FAT3: variants seen among roughly 807,000 people sequenced by gnomAD.
The protein encoded by FAT3 is FAT atypical cadherin 3.
FAT3 carries 95 observed loss-of-function variants against 310.2 expected under a neutral mutation model. The observed-to-expected ratio is 0.31, with a 90% confidence interval of 0.26 to 0.36. The LOEUF is 0.36. Among genes scored for constraint, FAT3 ranks in the 10% least tolerant of loss-of-function variants. The probability of loss-of-function intolerance (pLI) is 1.00; values close to 1 mark genes in which losing one functional copy is unlikely to be tolerated. For missense variants in FAT3, 5,408 were observed against 5,715.6 expected (o/e 0.95, Z 1.74); for synonymous variants, 2,314 against 2,192.9 (o/e 1.06, Z -1.54).
chr11:92,801,898 A>T lies in FAT3; in HGVS notation c.8885A>T (p.Tyr2962Phe), dbSNP rs1365685674. 1 of 1,613,576 alleles carries T rather than the reference A, an allele frequency of 6.2e-7. No individual in the cohort carries two copies. Among genetic ancestry groups the T allele is most frequent in the South Asian group, 1.1e-5 (1 of 91,038 alleles). Residue 2962 changes from tyrosine to phenylalanine, a missense_variant, in exon 10 of 28, where the codon TAC becomes TTC. Physicochemically the swap from Tyr to Phe is conservative, Grantham distance 22. This residue lies in a region of FAT3 where 4,588 missense variants were observed against 4,809.8 expected (regional missense o/e 0.95). Transcript: ENST00000525166. ...TCCGACGTTAATCGCCAAGTGAGCT[A>T]CCATATTACAGGTGAGTAAATACCC... ...DTSDVNRQVS[Y>F]HITGGNPRGR... is the part of the protein sequence containing the mutation.
Position 92,384,680 on chromosome 11 carries a change from G to A in FAT3, c.3292+29276G>A, listed in dbSNP as rs544666708. ...TCAGCTAATGTGCTTCCTGATGTAC[G>A]GGTTAAAAAAGTGGGAGAAGCAAAT... On this transcript the variant is annotated intron_variant, in intron 2 of 27. Coordinates refer to ENST00000525166, the MANE Select transcript of FAT3 (RefSeq NM_001367949.2). Among the ~76,000 whole-genome samples the A allele has an allele frequency of 9.2e-5, 14 of 152,192 alleles. 1 individual carries two copies. In the South Asian group the frequency reaches 2.3e-3, roughly 25 times the overall value.
chr11:92,398,910 A>G (rs1429245351), intron 2 of FAT3, among the ~76,000 whole-genome samples: 1 of 152,200 alleles, frequency 6.6e-6, no homozygotes, highest in Non-Finnish European at 1.5e-5. Flanking sequence ...TCACATAATA[A>G]ACACAATCTT....
chr11:92,340,752 C>T (rs1591134797), intron 1 of FAT3, among the ~76,000 whole-genome samples: 1 of 152,270 alleles, frequency 6.6e-6, no homozygotes, highest in East Asian at 1.9e-4. Flanking sequence ...GAAGGGGTGA[C>T]CTTGGTCTCA....
Position 92,225,083 on chromosome 11 carries a change from C to G in FAT3, c.-109C>G, listed in dbSNP as rs575056460. On this transcript the variant is annotated 5_prime_UTR_variant, in exon 1 of 28. Coordinates refer to ENST00000525166, the MANE Select transcript of FAT3 (RefSeq NM_001367949.2). ...GCTGCGGCGGCAGCAGCCGGGGGAC[C>G]GGCTCGCCCGGAGCAAGAGCGCCGA... is the stretch of plus-strand genomic sequence containing the variant. Among the ~76,000 whole-genome samples the G allele has an allele frequency of 6.6e-6, 1 of 151,948 alleles. No homozygotes were observed.
chr11:92,578,088 G>A lies in FAT3; in HGVS notation c.3607+53140G>A, dbSNP rs1266739388. On this transcript the variant is annotated intron_variant, in intron 3 of 27. Coordinates refer to ENST00000525166, the MANE Select transcript of FAT3 (RefSeq NM_001367949.2). ...GTATGACGGGACTCATAGCTAGTAT[G>A]TAAACTCTACGTGTTGTGTTTAGAA... 6.6e-5 allele frequency among the ~76,000 whole-genome samples: 10 copies of A among 152,210 alleles called. No homozygotes were observed. The East Asian group carries it at 1.9e-3, about 29-fold the overall frequency.
intron 8 of FAT3, among the ~76,000 whole-genome samples, chr11:92,791,665 C>T (rs1947043238): frequency 6.6e-6 from 1 of 152,176 alleles, no homozygotes; most frequent in Non-Finnish European, 1.5e-5. Flanking sequence ...TTTCTGAAAA[C>T]CCCTTTCTCT....
intron 3 of FAT3, among the ~76,000 whole-genome samples, chr11:92,647,228 G>A (rs1023150839): frequency 2.6e-5 from 4 of 152,052 alleles, no homozygotes; most frequent in African/African-American, 9.7e-5. Flanking sequence ...CACAAACTCA[G>A]TTGAGCAACT....
intron 3 of FAT3, among the ~76,000 whole-genome samples, chr11:92,603,524 A>G (rs1021002159): frequency 6.6e-6 from 1 of 152,168 alleles, no homozygotes; most frequent in Non-Finnish European, 1.5e-5. Flanking sequence ...ATGTCTCACA[A>G]TTTCGATTTT....
rs66585879 is a variant in FAT3, at chr11:92,561,250, CGTGTGT to C, written c.3607+36337_3607+36342del. On this transcript the variant is annotated intron_variant, in intron 3 of 27. Coordinates refer to ENST00000525166, the MANE Select transcript of FAT3 (RefSeq NM_001367949.2). ...GACAGTCTCTCAGATCCTTCTACTT[CGTGTGT>C]GTGTGTGTGTGTGTGTGTGTGTGTG... is the stretch of plus-strand genomic sequence containing the variant. 1.0e-3 allele frequency among the ~76,000 whole-genome samples: 153 copies of C among 148,494 alleles called. 2 individuals carry two copies. The East Asian group carries it at 0.014, about 14-fold the overall frequency.
intron 2 of FAT3, among the ~76,000 whole-genome samples, chr11:92,464,311 G>A (rs74568535): frequency 6.6e-6 from 1 of 152,112 alleles, no homozygotes; most frequent in Non-Finnish European, 1.5e-5. Context: ...TGGCATGTAG[G>A]TCCCTCTGGG....
Position 92,774,070 on chromosome 11 carries a change from G to A in FAT3, c.4225G>A (p.Glu1409Lys), listed in dbSNP as rs1173374675. Reference sequence around the variant, plus strand: ...GAATTTTGACAGCGCTTTTGATGCAGAGAAGGGTGTTGGGACAATTGTCAT... The same window carrying A: ...GAATTTTGACAGCGCTTTTGATGCAAAGAAGGGTGTTGGGACAATTGTCAT... The part of the protein sequence containing the change: ...GGNFDSAFDA[E>K]KGVGTIVIAK... Residue 1409 changes from glutamate (E) to lysine (K), a missense_variant, in exon 7 of 28, where the codon GAG (glutamate) becomes AAG (lysine). By Grantham distance (56) the Glu-to-Lys change is moderately conservative. This residue lies in a region of FAT3 where 4,588 missense variants were observed against 4,809.8 expected (regional missense o/e 0.95). Coordinates refer to ENST00000525166, the MANE Select transcript of FAT3 (RefSeq NM_001367949.2). 1.2e-6 allele frequency: 2 copies of A among 1,613,528 alleles called. No homozygotes were observed. Among genetic ancestry groups the A allele is most frequent in the Non-Finnish European group, 1.7e-6 (2 of 1,179,652 alleles).
At chr11:92,566,056 A>G (rs1003993009) in intron 3 of FAT3, among the ~76,000 whole-genome samples, 1 of 152,198 alleles carries the variant, frequency 6.6e-6, no homozygotes, top group African/African-American at 2.4e-5. Flanking sequence ...CAGGAGAAGG[A>G]AATAAAGGGT....
At chr11:92,493,216 T>C (rs1440648409) in intron 2 of FAT3, among the ~76,000 whole-genome samples, 4 of 152,072 alleles carry the variant, frequency 2.6e-5, no homozygotes, top group Admixed American at 6.6e-5. Context: ...TCTCAGAATT[T>C]CTCCTCCAGA....
At chr11:92,273,950 G>A (rs1452798063) in intron 1 of FAT3, among the ~76,000 whole-genome samples, 1 of 152,082 alleles carries the variant, frequency 6.6e-6, no homozygotes, top group African/African-American at 2.4e-5. Flanking sequence ...TTGTTTATCA[G>A]CAGGTTGCAA....
rs781457142 is a variant in FAT3, at chr11:92,798,813, T to C, written c.5800T>C (p.Ser1934Pro). 4 of 1,613,846 alleles carry C rather than the reference T, an allele frequency of 2.5e-6. No individual in the cohort carries two copies. In the South Asian group the frequency reaches 4.4e-5, roughly 18 times the overall value. Reference sequence around the variant, plus strand: ...CAGTTTGGATCATTTTTTAATTGACTCAAACAGTGGAGTACTTACCATAAA... The same window carrying C: ...CAGTTTGGATCATTTTTTAATTGACCCAAACAGTGGAGTACTTACCATAAA... ...EGSLDHFLID[S>P]NSGVLTIKNN... is the part of the protein sequence containing the mutation. Residue 1934 changes from serine (S) to proline (P), a missense_variant, in exon 10 of 28, where the codon TCA becomes CCA. Transcript: ENST00000525166.
chr11:92,431,014 G>A (rs1356959647), intron 2 of FAT3, among the ~76,000 whole-genome samples: 1 of 152,174 alleles, frequency 6.6e-6, no homozygotes, highest in East Asian at 1.9e-4. Flanking sequence ...ATAATCCTTT[G>A]GGTATATACC....
intron 3 of FAT3, among the ~76,000 whole-genome samples, chr11:92,693,570 G>A (rs915069697): frequency 6.6e-6 from 1 of 152,134 alleles, no homozygotes; most frequent in Non-Finnish European, 1.5e-5. Flanking sequence ...TGAAGAGGTA[G>A]CACTGGTCAT....
intron 1 of FAT3, among the ~76,000 whole-genome samples, chr11:92,230,664 A>G (rs1416385445): frequency 6.6e-6 from 1 of 152,216 alleles, no homozygotes; most frequent in East Asian, 1.9e-4. Context: ...TACCTCTTTC[A>G]CAAGACAGTG....
intron 6 of FAT3, among the ~76,000 whole-genome samples, chr11:92,772,831 C>T (rs1336163994): frequency 6.6e-6 from 1 of 151,872 alleles, no homozygotes; most frequent in Non-Finnish European, 1.5e-5. Context: ...CATTGTACAT[C>T]AGATTCTAGT....
Sources: gnomAD v4.1 joint callset for allele counts (sites outside exome capture counted in the v4.1 genomes callset) on GRCh38, gnomAD v4.1.1 for gene constraint, gnomAD v4.1.1 regional missense constraint, MANE v1.5 for transcripts, NCBI Gene and HGNC (gene_info 2026-07-23, HGNC 2026-07-21) for gene names.